The following FOXN3 variants were observed in gnomAD, a reference collection of about 807,000 sequenced individuals.
FOXN3 encodes the protein forkhead box protein N3.
FOXN3 carries 7 observed loss-of-function variants against 38.4 expected under a neutral mutation model. The observed-to-expected ratio is 0.18, with a 90% CI of 0.10 to 0.34. FOXN3 has a LOEUF of 0.34. Ranked by LOEUF, FOXN3 falls within the 10% of genes least tolerant of loss-of-function variation. The probability of loss-of-function intolerance (pLI) is 1.00; values close to 1 mark genes in which losing one functional copy is unlikely to be tolerated. For missense variants in FOXN3, 456 were observed against 613.4 expected (o/e 0.74, Z 2.71); for synonymous variants, 230 against 242.2 (o/e 0.95, Z 0.47).
intron 1 of FOXN3, among the ~76,000 whole-genome samples, chr14:89,549,117 TAAA>T (rs778301383): frequency 1.5e-5 from 2 of 136,852 alleles, no homozygotes; most frequent in Admixed American, 7.4e-5. Flanking sequence ...AGACTCCATC[TAAA>T]AAAAAAAAAA....
intron 2 of FOXN3, among the ~76,000 whole-genome samples, chr14:89,381,494 A>G (rs1890644614): frequency 7.3e-6 from 1 of 137,384 alleles, no homozygotes; most frequent in South Asian, 2.4e-4. Flanking sequence ...AAGTCTGGCT[A>G]GGCCCTGCAC....
intron 1 of FOXN3, among the ~76,000 whole-genome samples, chr14:89,489,987 C>G (rs562253476): frequency 1.3e-5 from 2 of 152,334 alleles, no homozygotes; most frequent in African/African-American, 4.8e-5. Context: ...CAACTGCAGG[C>G]AGGAGTAAAA....
rs549692334 is a variant in FOXN3 at position 89,617,706 on chromosome 14, TG to T, written c.-15+1321del. 1.3e-4 allele frequency among the ~76,000 whole-genome samples: 20 copies of T among 152,354 alleles called. No homozygotes were observed. The East Asian group carries it at 3.7e-3, about 28-fold the overall frequency. On this transcript the variant is annotated intron_variant, in intron 1 of 6. Transcript: ENST00000345097. ...AGTAGCTGACGTCTGCAAAGAAATT[TG>T]TCACCAAAATGGCCTACTTTATGTG...
chr14:89,370,893 A>G (rs779280533), intron 2 of FOXN3, among the ~76,000 whole-genome samples: 4 of 152,176 alleles, frequency 2.6e-5, no homozygotes, highest in Admixed American at 2.0e-4. Flanking sequence ...CACAGAAGGC[A>G]CTGTTATCAA....
intron 1 of FOXN3, among the ~76,000 whole-genome samples, chr14:89,471,249 T>A (rs1202754842): frequency 6.6e-6 from 1 of 152,152 alleles, no homozygotes; most frequent in South Asian, 2.1e-4. Flanking sequence ...GAAAGGACAG[T>A]GCTGAAGAGC....
At chr14:89,401,431 G>A in intron 2 of FOXN3, 1 of 359,910 alleles carries the variant, frequency 2.8e-6, no homozygotes, top group South Asian at 2.1e-5. Flanking sequence ...TGACTCAACA[G>A]CAACAACAAC....
At chr14:89,214,125 TTTTG>T (rs1206574779) in intron 4 of FOXN3, among the ~76,000 whole-genome samples, 5 of 151,872 alleles carry the variant, frequency 3.3e-5, no homozygotes, top group South Asian at 2.1e-4. Context: ...GATATATCTT[TTTTG>T]TTTGTTTGTT....
intron 1 of FOXN3, among the ~76,000 whole-genome samples, chr14:89,571,519 A>AG (rs1451884549): frequency 9.9e-5 from 15 of 152,066 alleles, no homozygotes; most frequent in Non-Finnish European, 1.8e-4. Flanking sequence ...ACAAAAAAAA[A>AG]AAAAGAAAAG....
intron 4 of FOXN3, among the ~76,000 whole-genome samples, chr14:89,253,339 G>A (rs1179995101): frequency 6.6e-6 from 1 of 152,166 alleles, no homozygotes; most frequent in East Asian, 1.9e-4. Flanking sequence ...AGCTCCCCAG[G>A]GAGAGCTGCC....
chr14:89,240,733 G>A (rs965177332), intron 4 of FOXN3, among the ~76,000 whole-genome samples: 11 of 152,240 alleles, frequency 7.2e-5, no homozygotes, highest in Non-Finnish European at 1.3e-4. Flanking sequence ...TCCTTGACAA[G>A]AGAATGCCGT....
intron 4 of FOXN3, among the ~76,000 whole-genome samples, chr14:89,258,984 G>A (rs1885713705): frequency 1.3e-5 from 2 of 152,192 alleles, no homozygotes; most frequent in South Asian, 4.1e-4. Context: ...CTGGCCACTT[G>A]CCTAGCTTAG....
intron 4 of FOXN3, among the ~76,000 whole-genome samples, chr14:89,201,326 AG>A (rs969842609): frequency 6.6e-6 from 1 of 152,150 alleles, no homozygotes; most frequent in African/African-American, 2.4e-5. Flanking sequence ...CCCTGCAGGG[AG>A]GGAGGAGAGG....
At chr14:89,278,240 G>A (rs1446516173) in intron 4 of FOXN3, among the ~76,000 whole-genome samples, 1 of 152,154 alleles carries the variant, frequency 6.6e-6, no homozygotes, top group Non-Finnish European at 1.5e-5. Flanking sequence ...GAGAATGAAA[G>A]CCAAGCAAAA....
At chr14:89,352,355 A>G (rs1889007472) in intron 2 of FOXN3, among the ~76,000 whole-genome samples, 1 of 152,238 alleles carries the variant, frequency 6.6e-6, no homozygotes, top group African/African-American at 2.4e-5. Flanking sequence ...GGGCCACTCA[A>G]TAATCTGCCC....
intron 4 of FOXN3, among the ~76,000 whole-genome samples, chr14:89,201,882 G>A (rs545856618): frequency 2.0e-5 from 3 of 152,204 alleles, no homozygotes; most frequent in Non-Finnish European, 4.4e-5. Flanking sequence ...CCACAGCTGT[G>A]GGGGTGCTCA....
chr14:89,532,179 G>A (rs889153605), intron 1 of FOXN3, among the ~76,000 whole-genome samples: 1 of 152,174 alleles, frequency 6.6e-6, no homozygotes, highest in Admixed American at 6.5e-5. Context: ...TAGAGAATGA[G>A]AAGTAACTGA....
At chr14:89,505,366 A>G (rs1201244237) in intron 1 of FOXN3, among the ~76,000 whole-genome samples, 1 of 148,166 alleles carries the variant, frequency 6.7e-6, no homozygotes, top group African/African-American at 2.5e-5. Flanking sequence ...GCTCACTGCA[A>G]CCTCCCTGCC....
At chr14:89,374,995 A>T (rs988007945) in intron 2 of FOXN3, among the ~76,000 whole-genome samples, 1 of 150,232 alleles carries the variant, frequency 6.7e-6, no homozygotes, top group African/African-American at 2.5e-5. Context: ...AAAAAAAAAA[A>T]GTACTATGTT....
At chr14:89,605,519 GAAAT>G (rs1896254610) in intron 1 of FOXN3, among the ~76,000 whole-genome samples, 1 of 151,752 alleles carries the variant, frequency 6.6e-6, no homozygotes. Context: ...AAAAAATGAA[GAAAT>G]AAATTAGAAT....
Sources: gnomAD v4.1 joint callset for allele counts (sites outside exome capture counted in the v4.1 genomes callset) on GRCh38, gnomAD v4.1.1 for gene constraint, MANE v1.5 for transcripts, NCBI Gene and HGNC (gene_info 2026-07-23, HGNC 2026-07-21) for gene names.